Variants in SNX29 observed in about 807,000 individuals in gnomAD.
SNX29 encodes the protein sorting nexin-29.
A neutral mutation model predicts 102.1 loss-of-function variants in SNX29; 78 were observed. The observed-to-expected ratio is 0.76, with a 90% CI of 0.64 to 0.92. The LOEUF (loss-of-function observed/expected upper bound fraction) is 0.92, where lower values mean the gene tolerates loss of function less well. SNX29 is among the 40% of genes least tolerant of loss of function. SNX29 has a pLI of 0.00. For synonymous variants in SNX29, 580 were observed against 414.5 expected (o/e 1.40, Z -4.85); for missense variants, 1,280 against 1,061.7 (o/e 1.21, Z -2.86).
At chr16:12,526,257 C>G (rs915114986) in intron 20 of SNX29, among the ~76,000 whole-genome samples, 2 of 152,146 alleles carry the variant, frequency 1.3e-5, no homozygotes, top group African/African-American at 2.4e-5. Flanking sequence ...CATTTCTGCT[C>G]CCCTCTGTGG....
intron 3 of SNX29, among the ~76,000 whole-genome samples, chr16:12,022,312 A>G (rs1230792367): frequency 3.3e-5 from 5 of 151,260 alleles, no homozygotes; most frequent in African/African-American, 1.2e-4. Context: ...GCGATTCTCC[A>G]GCCTCAGCCT....
At chr16:12,460,990 C>G (rs2086755305) in intron 18 of SNX29, among the ~76,000 whole-genome samples, 1 of 152,156 alleles carries the variant, frequency 6.6e-6, no homozygotes, top group Admixed American at 6.5e-5. Context: ...CTAATAATAG[C>G]CGACTTTTGT....
At chr16:12,554,344 T>G (rs1427176334) in intron 20 of SNX29, among the ~76,000 whole-genome samples, 2 of 150,468 alleles carry the variant, frequency 1.3e-5, no homozygotes, top group African/African-American at 2.5e-5. Context: ...TTTTGTTCTG[T>G]AGCTTTTCCC....
rs202171381 is a variant in SNX29, at chr16:12,003,023, T to C, written c.102T>C (p.Ile34=). The part of the protein sequence containing the change: ...CQIRFGGRKE[I]ASDSDSRVTC... Reference sequence around the variant, plus strand: ...TCCGCTTTGGAGGGAGAAAGGAGATTGCCTCGGATTCCGACAGCAGGTAAA... The same window carrying C: ...TCCGCTTTGGAGGGAGAAAGGAGATCGCCTCGGATTCCGACAGCAGGTAAA... The change falls in exon 3 of 21, where the codon ATT becomes ATC. Residue 34 remains isoleucine, a synonymous_variant. Coordinates refer to ENST00000566228, the MANE Select transcript of SNX29 (RefSeq NM_032167.5). The C allele has an allele frequency of 4.0e-5, 65 of 1,614,210 alleles. 2 individuals carry two copies. The highest frequency in any genetic ancestry group is 8.5e-7 in the Non-Finnish European group (1 of 1,180,048).
intron 18 of SNX29, among the ~76,000 whole-genome samples, chr16:12,416,522 C>T (rs4781231): frequency 0.34 from 50,986 of 152,152 alleles, 10,476 homozygotes; most frequent in Non-Finnish European, 0.45. Context: ...AACACCACAT[C>T]ATGCCCCTGA....
intron 20 of SNX29, among the ~76,000 whole-genome samples, chr16:12,528,142 A>C (rs2076836633): frequency 6.6e-6 from 1 of 151,752 alleles, no homozygotes; most frequent in Non-Finnish European, 1.5e-5. Context: ...TATTTTTCTT[A>C]ATTCAAGTAC....
intron 1 of SNX29, among the ~76,000 whole-genome samples, chr16:11,991,944 T>G (rs956273996): frequency 2.0e-5 from 3 of 152,126 alleles, no homozygotes; most frequent in Non-Finnish European, 4.4e-5. Flanking sequence ...CTACTGTAGT[T>G]GTTCCTTAGA....
At chr16:12,407,576 A>AATACCAGTATAATAATTAGTAGCCAC (rs2084216852) in intron 18 of SNX29, among the ~76,000 whole-genome samples, 3 of 152,230 alleles carry the variant, frequency 2.0e-5, no homozygotes, top group Admixed American at 2.0e-4. Context: ...GTGATTAACA[A>AATACCAGTATAATAATTAGTAGCCAC]ATACCAGTAT....
At chr16:12,128,624 TG>T (rs2054322484) in intron 12 of SNX29, among the ~76,000 whole-genome samples, 1 of 152,192 alleles carries the variant, frequency 6.6e-6, no homozygotes, top group South Asian at 2.1e-4. Flanking sequence ...GAGTAATTTT[TG>T]TATTTTTAGT....
chr16:12,482,143 G>A (rs917750371), intron 19 of SNX29, among the ~76,000 whole-genome samples: 3 of 152,132 alleles, frequency 2.0e-5, no homozygotes, highest in African/African-American at 4.8e-5. Flanking sequence ...AGAAAAATCC[G>A]CCACGTCAGA....
chr16:12,271,538 C>T (rs2079092148), intron 14 of SNX29, among the ~76,000 whole-genome samples: 2 of 151,910 alleles, frequency 1.3e-5, no homozygotes, highest in Admixed American at 1.3e-4. Context: ...AGCCTATGCT[C>T]AAGGGGTAGG....
intron 15 of SNX29, among the ~76,000 whole-genome samples, chr16:12,334,542 CATT>C (rs1451608712): frequency 6.6e-6 from 1 of 152,190 alleles, no homozygotes; most frequent in Non-Finnish European, 1.5e-5. Flanking sequence ...TCCCCGCAAA[CATT>C]ATGGGACCCC....
At chr16:12,011,285 T>G (rs1407560377) in intron 3 of SNX29, among the ~76,000 whole-genome samples, 1 of 151,916 alleles carries the variant, frequency 6.6e-6, no homozygotes, top group African/African-American at 2.4e-5. Context: ...ATCTGATTTT[T>G]TTTTTTTTGA....
chr16:12,290,537 A>T (rs924839477), intron 15 of SNX29, among the ~76,000 whole-genome samples: 2 of 152,134 alleles, frequency 1.3e-5, no homozygotes, highest in Admixed American at 6.5e-5. Flanking sequence ...ACCTGTGTTC[A>T]TCCTTCATGA....
At chr16:12,427,666 G>A (rs2085137629) in intron 18 of SNX29, among the ~76,000 whole-genome samples, 2 of 152,350 alleles carry the variant, frequency 1.3e-5, no homozygotes, top group Middle Eastern at 3.4e-3. Flanking sequence ...GACAATGCCT[G>A]TGCCAGGACA....
intron 13 of SNX29, among the ~76,000 whole-genome samples, chr16:12,161,152 G>A (rs116870112): frequency 0.019 from 2,929 of 152,254 alleles, 66 homozygotes; most frequent in Non-Finnish European, 0.031. Context: ...CACGTTCTGC[G>A]GTTGATAATA....
intron 14 of SNX29, among the ~76,000 whole-genome samples, chr16:12,227,015 C>T (rs2077630609): frequency 6.6e-6 from 1 of 152,172 alleles, no homozygotes; most frequent in Non-Finnish European, 1.5e-5. Flanking sequence ...TTGGACTTGG[C>T]CAATGCTCAG....
chr16:12,332,543 T>G (rs970159520), intron 15 of SNX29, among the ~76,000 whole-genome samples: 1 of 152,174 alleles, frequency 6.6e-6, no homozygotes, highest in Non-Finnish European at 1.5e-5. Context: ...TTGAAGGCCA[T>G]GATCACAAAG....
chr16:12,246,961 C>CA (rs1488515847), intron 14 of SNX29, among the ~76,000 whole-genome samples: 1 of 152,112 alleles, frequency 6.6e-6, no homozygotes, highest in Non-Finnish European at 1.5e-5. Flanking sequence ...CAAGGGGAAA[C>CA]AGGGTGTCAG....
Sources: gnomAD v4.1 joint callset for allele counts (sites outside exome capture counted in the v4.1 genomes callset) on GRCh38, gnomAD v4.1.1 for gene constraint, MANE v1.5 for transcripts, NCBI Gene and HGNC (gene_info 2026-07-23, HGNC 2026-07-21) for gene names.